The following CAMK1D variants were observed in gnomAD, a reference collection of about 807,000 sequenced individuals.
The protein encoded by CAMK1D is calcium/calmodulin-dependent protein kinase type 1D.
In CAMK1D, 9 loss-of-function variants were observed where a neutral mutation model predicts 47.7. The observed-to-expected ratio is 0.19, with a 90% CI of 0.11 to 0.33. The LOEUF (loss-of-function observed/expected upper bound fraction) is 0.33. Ranked by LOEUF, CAMK1D falls within the 10% of genes least tolerant of loss-of-function variation. CAMK1D has a pLI of 1.00. For missense variants in CAMK1D, 291 were observed against 488.7 expected, an observed-to-expected ratio of 0.60 and a Z score of 3.81; for synonymous variants, 184 against 184.9, an observed-to-expected ratio of 0.99 and a Z score of 0.04.
At position 12,511,597 on chromosome 10, in the gene CAMK1D, T is replaced by G. The variant is rs183595816; in HGVS notation, c.93-41628T>G. 3.9e-4 allele frequency among the ~76,000 whole-genome samples: 59 copies of G among 152,094 alleles called. No individual in the cohort carries two copies. In the East Asian group the frequency reaches 0.011, roughly 28 times the overall value. On this transcript the variant is annotated intron_variant, in intron 1 of 10. Coordinates refer to ENST00000619168, the MANE Select transcript of CAMK1D (RefSeq NM_153498.4). ...CCACACTCTAGCCTGGGCAGCAGAG[T>G]GAGACCCTGTCTCAAAAAACGAACA...
chr10:12,745,248 T>G (rs1835614840), intron 3 of CAMK1D, among the ~76,000 whole-genome samples: 1 of 152,160 alleles, frequency 6.6e-6, no homozygotes. Context: ...GCCAGGATGG[T>G]CTCGATTTCC....
intron 2 of CAMK1D, among the ~76,000 whole-genome samples, chr10:12,642,451 C>T (rs1439526495): frequency 6.6e-6 from 1 of 152,196 alleles, no homozygotes; most frequent in Non-Finnish European, 1.5e-5. Context: ...GGCTGCTGAG[C>T]AGTGGATTGT....
At chr10:12,734,980 C>G (rs1367057426) in intron 3 of CAMK1D, among the ~76,000 whole-genome samples, 1 of 152,188 alleles carries the variant, frequency 6.6e-6, no homozygotes, top group Non-Finnish European at 1.5e-5. Context: ...ACTTGTTTCA[C>G]ATTTGTGCAG....
intron 3 of CAMK1D, among the ~76,000 whole-genome samples, chr10:12,681,642 A>T (rs568668320): frequency 7.9e-5 from 12 of 152,214 alleles, no homozygotes; most frequent in Non-Finnish European, 1.6e-4. Context: ...TTTATTATGC[A>T]TTCTAAGCTA....
intron 1 of CAMK1D, among the ~76,000 whole-genome samples, chr10:12,546,864 C>T (rs1005003543): frequency 2.6e-5 from 4 of 151,728 alleles, no homozygotes; most frequent in South Asian, 2.1e-4. Flanking sequence ...TGCTAAATGA[C>T]GAGTTAATGG....
chr10:12,358,824 G>C (rs1431691223), intron 1 of CAMK1D, among the ~76,000 whole-genome samples: 1 of 152,178 alleles, frequency 6.6e-6, no homozygotes, highest in African/African-American at 2.4e-5. Flanking sequence ...TACAGTAACT[G>C]TCATCAAGCT....
At chr10:12,470,569 T>C (rs956900666) in intron 1 of CAMK1D, among the ~76,000 whole-genome samples, 6 of 151,506 alleles carry the variant, frequency 4.0e-5, no homozygotes, top group Non-Finnish European at 8.8e-5. Context: ...CCAGGTGGAG[T>C]GCGGTGGCGC....
chr10:12,735,415 C>T (rs374129839), intron 3 of CAMK1D, among the ~76,000 whole-genome samples: 14 of 152,096 alleles, frequency 9.2e-5, no homozygotes, highest in East Asian at 1.9e-4. Flanking sequence ...GAGGCGGAGC[C>T]TGCAGTGAGC....
At chr10:12,539,652 C>T (rs1836099597) in intron 1 of CAMK1D, among the ~76,000 whole-genome samples, 1 of 152,188 alleles carries the variant, frequency 6.6e-6, no homozygotes, top group African/African-American at 2.4e-5. Flanking sequence ...TCTGAAGAGC[C>T]ACCCCTGCAG....
At chr10:12,579,023 C>T (rs946738167) in intron 2 of CAMK1D, among the ~76,000 whole-genome samples, 3 of 152,068 alleles carry the variant, frequency 2.0e-5, no homozygotes, top group Admixed American at 1.3e-4. Flanking sequence ...CCATATGCTT[C>T]AAGGGCATAG....
intron 6 of CAMK1D, among the ~76,000 whole-genome samples, chr10:12,808,254 C>T (rs80354785): frequency 0.016 from 2,480 of 152,326 alleles, 59 homozygotes; most frequent in African/African-American, 0.056. Context: ...TCTATTGTTA[C>T]TGTCACCCAT....
At chr10:12,552,971 G>T (rs1836634464) in intron 1 of CAMK1D, among the ~76,000 whole-genome samples, 1 of 152,122 alleles carries the variant, frequency 6.6e-6, no homozygotes, top group Admixed American at 6.5e-5. Context: ...TTAAACTCCT[G>T]ACCTCAGGTG....
chr10:12,746,135 G>A (rs1161884551), intron 3 of CAMK1D, among the ~76,000 whole-genome samples: 2 of 148,864 alleles, frequency 1.3e-5, no homozygotes, highest in African/African-American at 2.6e-5. Flanking sequence ...CTGACGAGGC[G>A]GACGGATCCG....
chr10:12,351,557 C>G (rs2131827592), intron 1 of CAMK1D, among the ~76,000 whole-genome samples: 1 of 152,326 alleles, frequency 6.6e-6, no homozygotes, highest in Non-Finnish European at 1.5e-5. Context: ...CTTGTTCCCA[C>G]CCGAGCCCCC....
At chr10:12,715,244 T>C (rs921948696) in intron 3 of CAMK1D, among the ~76,000 whole-genome samples, 1 of 152,188 alleles carries the variant, frequency 6.6e-6, no homozygotes, top group Admixed American at 6.5e-5. Context: ...TTTCATTCTT[T>C]TATAACTAAA....
At chr10:12,646,947 T>A (rs952276842) in intron 2 of CAMK1D, among the ~76,000 whole-genome samples, 3 of 150,842 alleles carry the variant, frequency 2.0e-5, no homozygotes, top group African/African-American at 7.3e-5. Context: ...GCTCAAGTGA[T>A]TCTCCTACCT....
chr10:12,624,475 C>G (rs147754938), intron 2 of CAMK1D, among the ~76,000 whole-genome samples: 33 of 152,222 alleles, frequency 2.2e-4, no homozygotes, highest in African/African-American at 7.9e-4. Flanking sequence ...TCTTAGATAC[C>G]CTGCGTAAGT....
At chr10:12,456,077 C>T (rs1052336130) in intron 1 of CAMK1D, among the ~76,000 whole-genome samples, 14 of 152,160 alleles carry the variant, frequency 9.2e-5, no homozygotes, top group South Asian at 2.1e-4. Context: ...AACCCTTTAT[C>T]GCTTCTGCAG....
At chr10:12,569,844 G>A (rs1377737279) in intron 2 of CAMK1D, among the ~76,000 whole-genome samples, 1 of 151,904 alleles carries the variant, frequency 6.6e-6, no homozygotes, top group Non-Finnish European at 1.5e-5. Context: ...TGTCACTTAA[G>A]TGGATGTGGC....
Sources: allele counts gnomAD v4.1 joint callset (sites outside exome capture counted in the v4.1 genomes callset), GRCh38; gene constraint gnomAD v4.1.1; transcripts MANE v1.5; gene names NCBI Gene and HGNC (gene_info 2026-07-23, HGNC 2026-07-21).